TTC7B: variants seen among roughly 807,000 people sequenced by gnomAD.
The protein encoded by TTC7B is tetratricopeptide repeat protein 7B.
TTC7B carries 28 observed loss-of-function variants against 106.8 expected under a neutral mutation model. The ratio of observed to expected loss-of-function variants is 0.26; its 90% CI spans 0.19 to 0.36. The LOEUF (loss-of-function observed/expected upper bound fraction) is 0.36. Ranked by LOEUF, TTC7B falls within the 10% of genes least tolerant of loss-of-function variation. The probability of loss-of-function intolerance (pLI) is 1.00; values close to 1 mark genes in which losing one functional copy is unlikely to be tolerated. For synonymous variants in TTC7B, 405 were observed against 430.6 expected (o/e 0.94, Z 0.74); for missense variants, 862 against 1,076.4 (o/e 0.80, Z 2.79).
intron 13 of TTC7B, among the ~76,000 whole-genome samples, chr14:90,652,320 T>C (rs1035519891): frequency 2.7e-5 from 4 of 150,918 alleles, no homozygotes; most frequent in Non-Finnish European, 5.9e-5. Flanking sequence ...CAAGGCCTTC[T>C]CCTAATTTCC....
intron 2 of TTC7B, among the ~76,000 whole-genome samples, chr14:90,785,543 CA>C (rs1383195691): frequency 6.6e-6 from 1 of 152,000 alleles, no homozygotes; most frequent in Non-Finnish European, 1.5e-5. Context: ...CCATGAAAAG[CA>C]AAAGGAACTG....
intron 8 of TTC7B, among the ~76,000 whole-genome samples, chr14:90,677,624 A>G (rs1035517314): frequency 1.3e-5 from 2 of 152,200 alleles, no homozygotes; most frequent in African/African-American, 2.4e-5. Flanking sequence ...AGGAGCAGAG[A>G]AAGGCCCCCC....
intron 7 of TTC7B, among the ~76,000 whole-genome samples, chr14:90,688,343 G>A (rs893358452): frequency 1.3e-5 from 2 of 151,872 alleles, no homozygotes; most frequent in African/African-American, 4.8e-5. Context: ...TACAAAAATT[G>A]TCCCAGCGTG....
intron 1 of TTC7B, among the ~76,000 whole-genome samples, chr14:90,801,079 G>A (rs1305005806): frequency 1.1e-5 from 1 of 89,176 alleles, no homozygotes; most frequent in Non-Finnish European, 2.8e-5. Context: ...TTTAAAATTA[G>A]CTAGGCTTTG....
rs1889125158 is a variant in TTC7B at position 90,525,440 on chromosome 14, CA to C, written c.*15927del. ...CAGGGAGGCCGGGCTGAGTCAGCGC[CA>C]CTGCCGCTGCTGCGTGTCCCTTTCT... On this transcript the variant is annotated 3_prime_UTR_variant, in exon 20 of 20. Coordinates refer to ENST00000328459, the MANE Select transcript of TTC7B (RefSeq NM_001010854.2). 6.6e-6 allele frequency: 1 copy of C among 151,872 alleles called. No individual in the cohort carries two copies. The highest frequency in any genetic ancestry group is 2.4e-5 in the African/African-American group (1 of 41,378). The allele number at this position is 151,872 out of a possible 1,614,324, so 9.4% of individuals were successfully genotyped here. A position where few individuals can be genotyped will look rare whatever the true frequency, so the allele number is the denominator to read the frequency against.
chr14:90,668,899 G>A (rs2139914785), intron 9 of TTC7B, among the ~76,000 whole-genome samples: 1 of 144,610 alleles, frequency 6.9e-6, no homozygotes, highest in East Asian at 2.0e-4. Context: ...GGAATTGTAA[G>A]GGATCCAGAA....
rs540343167 is a variant in TTC7B at position 90,808,163 on chromosome 14, A to G, written c.121+8012T>C. Among the ~76,000 whole-genome samples, 1 of 152,308 alleles carries G rather than the reference A, an allele frequency of 6.6e-6. No homozygotes were observed. The highest frequency in any genetic ancestry group is 1.9e-4 in the East Asian group (1 of 5,188). ...ATCTGGCACACAAGAGAGACGCAAG[A>G]GGCTGGGCACAGTGGCTCACGCCTG... On this transcript the variant is annotated intron_variant, in intron 1 of 19. Transcript: ENST00000328459. This position sits in a 1 kb window ranked among gnomAD's most constrained non-coding sequence, Gnocchi z 4.2.
At chr14:90,572,304 G>C (rs1160211257) in intron 19 of TTC7B, among the ~76,000 whole-genome samples, 1 of 152,126 alleles carries the variant, frequency 6.6e-6, no homozygotes, top group Admixed American at 6.5e-5. Flanking sequence ...TTCTCAGAGT[G>C]GTGTCGTTAG....
At position 90,559,316 on chromosome 14, in the gene TTC7B, A is replaced by G. The variant is rs116005182; in HGVS notation, c.2311-17727T>C. 2.4e-3 allele frequency among the ~76,000 whole-genome samples: 372 copies of G among 152,378 alleles called. 2 individuals carry two copies. The highest frequency in any genetic ancestry group is 8.6e-3 in the African/African-American group (357 of 41,590). ...TGGAGGGAGACCAGGGAATTGGAAG[A>G]GTAAAAGCAACAGCACATATTGCTT... On this transcript the variant is annotated intron_variant, in intron 19 of 19. Transcript: ENST00000328459.
rs1354031312 is a variant in TTC7B at position 90,578,792 on chromosome 14, G to A, written c.2108-484C>T. 1.3e-5 allele frequency among the ~76,000 whole-genome samples: 2 copies of A among 152,054 alleles called. No homozygotes were observed. The highest frequency in any genetic ancestry group is 2.9e-5 in the Non-Finnish European group (2 of 68,012). ...GCCAAGAAGTATGATGGGGCTGCAG[G>A]CTGCAGCTATCATGTTCACAGGCGT... On this transcript the variant is annotated intron_variant, in intron 18 of 19. Coordinates refer to ENST00000328459, the MANE Select transcript of TTC7B (RefSeq NM_001010854.2). This position sits in a 1 kb window ranked among gnomAD's most constrained non-coding sequence, Gnocchi z 4.7.
At chr14:90,605,730 A>T in intron 17 of TTC7B, 1 of 1,283,590 alleles carries the variant, frequency 7.8e-7, no homozygotes, top group African/African-American at 1.5e-5. Context: ...TTCTTGAAAG[A>T]GGAGAGGAGG....
rs984232213 is a variant in TTC7B, at chr14:90,802,575, G to A, written c.121+13600C>T. Among the ~76,000 whole-genome samples the A allele has an allele frequency of 3.3e-5, 5 of 152,214 alleles. No homozygotes were observed. In the East Asian group the frequency reaches 5.8e-4, roughly 18 times the overall value. Reference sequence around the variant, plus strand: ...TCAGTAAAGTATGAGGCAAGGTCATGAGCTAGGCATGAGAGGGTGGCTTTC... The same window carrying A: ...TCAGTAAAGTATGAGGCAAGGTCATAAGCTAGGCATGAGAGGGTGGCTTTC... On this transcript the variant is annotated intron_variant, in intron 1 of 19. Transcript: ENST00000328459. This position sits in a 1 kb window ranked among gnomAD's most constrained non-coding sequence, Gnocchi z 4.7.
intron 6 of TTC7B, among the ~76,000 whole-genome samples, chr14:90,690,920 T>C (rs1279584200): frequency 6.6e-6 from 1 of 152,204 alleles, no homozygotes; most frequent in Non-Finnish European, 1.5e-5. Flanking sequence ...TTCTTGATTA[T>C]TCCCAAGTAA....
chr14:90,733,884 G>A (rs564115940), intron 4 of TTC7B, among the ~76,000 whole-genome samples: 3 of 152,286 alleles, frequency 2.0e-5, no homozygotes, highest in South Asian at 2.1e-4. Context: ...AATTGCAAAT[G>A]AGAAACTTCA....
At chr14:90,673,920 A>G (rs1238144394) in intron 9 of TTC7B, among the ~76,000 whole-genome samples, 4 of 152,180 alleles carry the variant, frequency 2.6e-5, no homozygotes, top group Non-Finnish European at 5.9e-5. Flanking sequence ...AATAGTTGAC[A>G]GGAACTTGGT....
At chr14:90,646,710 C>G in intron 14 of TTC7B, 1 of 501,494 alleles carries the variant, frequency 2.0e-6, no homozygotes, top group South Asian at 2.2e-5. Context: ...CTAGCTTGGG[C>G]CCTCCAGCTG....
In TTC7B at chr14:90,744,873, A is replaced by T; in HGVS notation, c.495T>A (p.His165Gln). Residue 165 changes from histidine (H) to glutamine (Q), a missense_variant, in exon 4 of 20, where the codon CAT (histidine) becomes CAA (glutamine). His to Gln is a conservative substitution (Grantham distance 24). Coordinates refer to ENST00000328459, the MANE Select transcript of TTC7B (RefSeq NM_001010854.2). ...LPISSSTSNL[H>Q]VDREQDVITC... ...TGATGACATCCTGTTCCCGGTCCACATGGAGATTACTGGTAGAAGAAGAAA... is the reference window on the plus strand; with the variant it reads ...TGATGACATCCTGTTCCCGGTCCACTTGGAGATTACTGGTAGAAGAAGAAA... 2 of 1,614,118 alleles carry T rather than the reference A, an allele frequency of 1.2e-6. No individual in the cohort carries two copies. Among genetic ancestry groups the T allele is most frequent in the Non-Finnish European group, 1.7e-6 (2 of 1,179,996 alleles).
At chr14:90,739,639 C>T (rs1158746620) in intron 4 of TTC7B, among the ~76,000 whole-genome samples, 1 of 152,194 alleles carries the variant, frequency 6.6e-6, no homozygotes, top group African/African-American at 2.4e-5. Context: ...GAAACTTTAG[C>T]ACTAAAACAG....
At chr14:90,726,479 C>T (rs1889108050) in intron 5 of TTC7B, among the ~76,000 whole-genome samples, 1 of 152,214 alleles carries the variant, frequency 6.6e-6, no homozygotes, top group African/African-American at 2.4e-5. Flanking sequence ...AGGACGTGAC[C>T]TGAATCTGGT....
Sources: gnomAD v4.1 joint callset for allele counts (sites outside exome capture counted in the v4.1 genomes callset) on GRCh38, gnomAD v4.1.1 for gene constraint, Gnocchi (gnomAD v3.1) non-coding constraint, MANE v1.5 for transcripts, NCBI Gene and HGNC (gene_info 2026-07-23, HGNC 2026-07-21) for gene names.